The following DMD variants were observed in gnomAD, a reference collection of about 807,000 sequenced individuals.
DMD encodes dystrophin.
Under a neutral mutation model 330.1 loss-of-function variants are expected in DMD, and 63 were observed. The observed-to-expected ratio is 0.19, with a 90% CI of 0.16 to 0.24. The LOEUF (loss-of-function observed/expected upper bound fraction) is 0.24, where lower values mean the gene tolerates loss of function less well. Among genes scored for constraint, DMD ranks in the 10% least tolerant of loss-of-function variants. DMD has a pLI of 1.00. For synonymous variants in DMD, 1,223 were observed against 959.8 expected, an observed-to-expected ratio of 1.27 and a Z score of -5.07; for missense variants, 3,344 against 2,684.1, an observed-to-expected ratio of 1.25 and a Z score of -5.43.
intron 42 of DMD, among the ~76,000 whole-genome samples, chrX:32,294,678 C>G (rs1373754337): frequency 9.0e-6 from 1 of 111,394 alleles, no homozygotes; most frequent in African/African-American, 3.3e-5. Flanking sequence ...TAGATAATAG[C>G]TCCTTGGTGC....
chrX:32,344,105 C>T (rs1324224276), intron 39 of DMD, among the ~76,000 whole-genome samples: 1 of 112,174 alleles, frequency 8.9e-6, no homozygotes, highest in African/African-American at 3.2e-5. Flanking sequence ...TTTACAAGCA[C>T]ACTCAATATC....
At chrX:31,668,855 C>T (rs961148683) in intron 53 of DMD, among the ~76,000 whole-genome samples, 4 of 111,889 alleles carry the variant, frequency 3.6e-5, no homozygotes, top group South Asian at 3.7e-4. Context: ...AGTGAGATCA[C>T]GCAGTATTTG....
At chrX:32,429,518 G>A (rs1278188009) in intron 29 of DMD, among the ~76,000 whole-genome samples, 1 of 104,456 alleles carries the variant, frequency 9.6e-6, no homozygotes, top group Non-Finnish European at 1.9e-5. Flanking sequence ...CCGGCCGCTG[G>A]TATTTTTCTA....
intron 44 of DMD, among the ~76,000 whole-genome samples, chrX:31,996,648 T>C (rs755692704): frequency 3.9e-4 from 44 of 111,864 alleles, no homozygotes; most frequent in African/African-American, 1.4e-3. Context: ...ATATCAGCTA[T>C]GATAAAAGAC....
intron 2 of DMD, among the ~76,000 whole-genome samples, chrX:33,001,385 G>C (rs1338481421): frequency 2.7e-5 from 3 of 111,866 alleles, no homozygotes; most frequent in Non-Finnish European, 5.6e-5. Context: ...TTCTAAAACA[G>C]GGACACACAG....
intron 67 of DMD, among the ~76,000 whole-genome samples, chrX:31,200,165 A>T (rs960574557): frequency 8.9e-6 from 1 of 112,321 alleles, no homozygotes; most frequent in African/African-American, 3.2e-5. Context: ...CTGATTAGAA[A>T]TACTACATTT....
At chrX:32,032,717 G>A (rs1056077569) in intron 44 of DMD, among the ~76,000 whole-genome samples, 1 of 112,050 alleles carries the variant, frequency 8.9e-6, no homozygotes, top group African/African-American at 3.2e-5. Context: ...GAGTCTGTAG[G>A]ACCAAGCCAA....
At chrX:32,886,747 A>G (rs984502582) in intron 2 of DMD, among the ~76,000 whole-genome samples, 2 of 112,127 alleles carry the variant, frequency 1.8e-5, no homozygotes, top group African/African-American at 3.2e-5. Flanking sequence ...AAAAGGAAAC[A>G]AAATGGTCTA....
chrX:32,609,598 C>A (rs979126565), intron 12 of DMD, among the ~76,000 whole-genome samples: 12 of 111,183 alleles, frequency 1.1e-4, no homozygotes, highest in Non-Finnish European at 1.9e-4. Flanking sequence ...TATACCTAAT[C>A]CTTCTCTGTA....
intron 43 of DMD, among the ~76,000 whole-genome samples, chrX:32,257,641 C>A (rs938807410): frequency 8.1e-5 from 9 of 111,502 alleles, no homozygotes; most frequent in Non-Finnish European, 1.7e-4. Flanking sequence ...TGGACCCCTT[C>A]CTTACCCCTT....
intron 44 of DMD, among the ~76,000 whole-genome samples, chrX:32,201,469 A>ACC (rs746153568): frequency 3.1e-4 from 15 of 48,442 alleles, no homozygotes; most frequent in Non-Finnish European, 4.8e-4. Flanking sequence ...AAATTCAAAC[A>ACC]CCCCCCCCCC....
intron 41 of DMD, among the ~76,000 whole-genome samples, chrX:32,335,245 A>G (rs1362547645): frequency 2.8e-5 from 3 of 108,943 alleles, no homozygotes; most frequent in Non-Finnish European, 5.7e-5. Flanking sequence ...TCTGTTGCCC[A>G]GGCTGTAGTG....
intron 55 of DMD, among the ~76,000 whole-genome samples, chrX:31,551,181 G>GAA (rs10659535): frequency 2.8e-4 from 21 of 75,275 alleles, no homozygotes; most frequent in African/African-American, 8.9e-4. Context: ...TCCATCTCGG[G>GAA]AAAAAAAAAA....
intron 16 of DMD, among the ~76,000 whole-genome samples, chrX:32,550,803 T>TA (rs1194926365): frequency 9.0e-6 from 1 of 110,700 alleles, no homozygotes; most frequent in Non-Finnish European, 1.9e-5. Flanking sequence ...AAGGGGATGT[T>TA]ACCATTGACC....
Position 32,410,162 on chromosome X carries a change from G to C in DMD, c.4233+1590C>G, listed in dbSNP as rs144467925. On this transcript the variant is annotated intron_variant, in intron 30 of 78. Coordinates refer to ENST00000357033, the MANE Select transcript of DMD (RefSeq NM_004006.3). The stretch of plus-strand genomic sequence containing the variant: ...AATATGTACAATCATTATATATCAA[G>C]ACAAATTAAAAATTGAATCCTCAAG... 2.5e-3 allele frequency among the ~76,000 whole-genome samples: 273 copies of C among 110,434 alleles called. 3 individuals carry two copies. Among genetic ancestry groups the C allele is most frequent in the African/African-American group, 8.8e-3 (267 of 30,383 alleles).
intron 18 of DMD, among the ~76,000 whole-genome samples, chrX:32,509,825 C>G (rs751028887): frequency 9.0e-6 from 1 of 111,446 alleles, no homozygotes; most frequent in Admixed American, 9.6e-5. Flanking sequence ...TTGGAGTGTC[C>G]TAGGCCTCAA....
chrX:31,447,463 G>C (rs1398774944), intron 59 of DMD, among the ~76,000 whole-genome samples: 2 of 109,238 alleles, frequency 1.8e-5, no homozygotes, highest in Non-Finnish European at 3.8e-5. Context: ...CCCATCAGTT[G>C]ACTTGTTACA....
At chrX:32,908,120 A>G (rs1305323000) in intron 2 of DMD, among the ~76,000 whole-genome samples, 2 of 112,174 alleles carry the variant, frequency 1.8e-5, no homozygotes, top group African/African-American at 3.2e-5. Flanking sequence ...AAACATGCCG[A>G]TAATTTAAAA....
intron 16 of DMD, among the ~76,000 whole-genome samples, chrX:32,560,663 C>G (rs969499549): frequency 2.7e-5 from 3 of 111,424 alleles, no homozygotes; most frequent in Admixed American, 9.6e-5. Flanking sequence ...TTGTTCAGCT[C>G]CTACTTATAA....
Sources: gnomAD v4.1 joint callset for allele counts (sites outside exome capture counted in the v4.1 genomes callset) on GRCh38, gnomAD v4.1.1 for gene constraint, MANE v1.5 for transcripts, NCBI Gene and HGNC (gene_info 2026-07-23, HGNC 2026-07-21) for gene names.